TEX2: variants seen among roughly 807,000 people sequenced by gnomAD.
The protein encoded by TEX2 is testis expressed 2, also known as testis-expressed protein 2.
Under a neutral mutation model 106.9 loss-of-function variants are expected in TEX2, and 53 were observed. The ratio of observed to expected loss-of-function variants is 0.50; its 90% CI spans 0.40 to 0.62. The LOEUF is 0.62. Among genes scored for constraint, TEX2 ranks in the 20% least tolerant of loss-of-function variants. The pLI, the probability that TEX2 is intolerant of heterozygous loss-of-function variation, is 0.00. For missense variants in TEX2, 1,207 were observed against 1,379.0 expected (o/e 0.88, Z 1.98); for synonymous variants, 523 against 534.8 (o/e 0.98, Z 0.30).
chr17:64,226,853 T>C (rs528476348), intron 1 of TEX2, among the ~76,000 whole-genome samples: 3 of 152,170 alleles, frequency 2.0e-5, no homozygotes, highest in South Asian at 4.1e-4. Context: ...ATAAAAGTAG[T>C]ATAAAAAATA....
intron 1 of TEX2, among the ~76,000 whole-genome samples, chr17:64,221,131 T>C (rs930433099): frequency 2.8e-4 from 43 of 152,064 alleles, no homozygotes; most frequent in African/African-American, 1.0e-3. Context: ...TGTTCTTACT[T>C]ATAAGTGGGA....
At chr17:64,164,954 T>C (rs532974467) in intron 7 of TEX2, among the ~76,000 whole-genome samples, 1 of 152,350 alleles carries the variant, frequency 6.6e-6, no homozygotes, top group African/African-American at 2.4e-5. Flanking sequence ...TCTGTCTCAC[T>C]GGAGTAGGCT....
In TEX2 at chr17:64,195,691, A is replaced by AC. The variant is rs1262235889; in HGVS notation, c.1645-597dup. The stretch of plus-strand genomic sequence containing the variant: ...TATCAAAATTCAAAGATACATAGTA[A>AC]CTTAAATGGGTAAAATTGTGCTCCA... On this transcript the variant is annotated intron_variant, in intron 2 of 11. Coordinates refer to ENST00000584379, the MANE Select transcript of TEX2 (RefSeq NM_001288732.2). The surrounding 1 kb of genome is among the most constrained non-coding windows in gnomAD (Gnocchi z 4.1). Among the ~76,000 whole-genome samples, 1 of 152,258 alleles carries AC rather than the reference A, an allele frequency of 6.6e-6. No homozygotes were observed. Among genetic ancestry groups the AC allele is most frequent in the African/African-American group, 2.4e-5 (1 of 41,474 alleles).
At chr17:64,161,568 T>C (rs931288409) in intron 7 of TEX2, among the ~76,000 whole-genome samples, 2 of 152,196 alleles carry the variant, frequency 1.3e-5, no homozygotes, top group African/African-American at 4.8e-5. Flanking sequence ...TACAATTGCA[T>C]AATCACTTTG....
At chr17:64,207,003 T>C (rs1183566325) in intron 2 of TEX2, among the ~76,000 whole-genome samples, 1 of 152,228 alleles carries the variant, frequency 6.6e-6, no homozygotes, top group Non-Finnish European at 1.5e-5. Context: ...TTGGTCTTTT[T>C]GGTTTGTCAT....
chr17:64,177,318 G>A lies in TEX2; in HGVS notation c.2571+7C>T, dbSNP rs1394883534. 6.2e-7 allele frequency: 1 copy of A among 1,613,992 alleles called. No individual in the cohort carries two copies. The highest frequency in any genetic ancestry group is 8.5e-7 in the Non-Finnish European group (1 of 1,180,018). ...GGATTAGAAGCCTCTTGTGTGGAAA[G>A]TGATACCTTTATTTTGCTGAGTTTC... On this transcript the variant is annotated splice_region_variant and intron_variant, in intron 6 of 11. Transcript: ENST00000584379.
At chr17:64,231,024 C>T (rs1289725377) in intron 1 of TEX2, among the ~76,000 whole-genome samples, 1 of 152,214 alleles carries the variant, frequency 6.6e-6, no homozygotes, top group African/African-American at 2.4e-5. Context: ...TTGCTCAGCC[C>T]AGCTGTAGAA....
At chr17:64,155,065 G>T in intron 8 of TEX2, 98 bp from the exon 9 acceptor site, 1 of 1,353,598 alleles carries the variant, frequency 7.4e-7, no homozygotes, top group Non-Finnish European at 9.6e-7. Context: ...AACCACAACA[G>T]GGTCGGGATG....
chr17:64,177,848 G>A (rs769699939), intron 5 of TEX2, among the ~76,000 whole-genome samples: 1 of 152,212 alleles, frequency 6.6e-6, no homozygotes, highest in Non-Finnish European at 1.5e-5. Flanking sequence ...AGGCTTGGAC[G>A]TGTAATTGTC....
chr17:64,154,702 G>T, intron 9 of TEX2, 140 bp downstream of exon 9: 2 of 1,091,572 alleles, frequency 1.8e-6, no homozygotes, highest in Non-Finnish European at 2.5e-6. Context: ...CCACTGACCT[G>T]GGATATTAAT....
chr17:64,258,871 T>C (rs1269601192), intron 1 of TEX2, among the ~76,000 whole-genome samples: 1 of 151,948 alleles, frequency 6.6e-6, no homozygotes, highest in South Asian at 2.1e-4. Flanking sequence ...GCGATTCTCC[T>C]GATTCAGTCC....
intron 5 of TEX2, among the ~76,000 whole-genome samples, chr17:64,183,957 C>T (rs2031978908): frequency 6.6e-6 from 1 of 152,078 alleles, no homozygotes; most frequent in Non-Finnish European, 1.5e-5. Context: ...TTCATTGTGG[C>T]CATCTGGGTG....
At chr17:64,179,013 G>A (rs982212196) in intron 5 of TEX2, among the ~76,000 whole-genome samples, 1 of 152,216 alleles carries the variant, frequency 6.6e-6, no homozygotes, top group Admixed American at 6.5e-5. Flanking sequence ...GAAGCTTGGT[G>A]TTCACCAGTC....
At chr17:64,188,110 T>G in intron 5 of TEX2, 58 bp downstream of exon 5, 1 of 1,569,288 alleles carries the variant, frequency 6.4e-7, no homozygotes, top group Non-Finnish European at 8.6e-7. Flanking sequence ...CACTTACGCA[T>G]GAAGAAATGT....
chr17:64,198,030 A>T (rs1423658377), intron 2 of TEX2, among the ~76,000 whole-genome samples: 3 of 152,020 alleles, frequency 2.0e-5, no homozygotes, highest in African/African-American at 2.4e-5. Context: ...TTAATTTCCA[A>T]ATATTTGAGA....
At chr17:64,197,264 C>CA (rs782293801) in intron 2 of TEX2, among the ~76,000 whole-genome samples, 61 of 152,040 alleles carry the variant, frequency 4.0e-4, no homozygotes, top group Non-Finnish European at 7.8e-4. Context: ...TTTTTCCTTG[C>CA]AGAAAGGTCC....
chr17:64,211,639 A>G (rs1405930845), intron 2 of TEX2, among the ~76,000 whole-genome samples: 3 of 152,240 alleles, frequency 2.0e-5, no homozygotes, highest in African/African-American at 7.2e-5. Context: ...CATAGGTTAT[A>G]TATTAATACA....
chr17:64,250,072 C>T (rs2034061750), intron 1 of TEX2, among the ~76,000 whole-genome samples: 1 of 152,182 alleles, frequency 6.6e-6, no homozygotes. Context: ...GGCAAAGAGG[C>T]TCAATTCCTG....
chr17:64,259,563 G>C (rs1182326182), intron 1 of TEX2, among the ~76,000 whole-genome samples: 2 of 152,180 alleles, frequency 1.3e-5, no homozygotes, highest in African/African-American at 4.8e-5. Flanking sequence ...TTCTCACAGG[G>C]ACAAGAGTCA....
Sources: gnomAD v4.1 joint callset for allele counts (sites outside exome capture counted in the v4.1 genomes callset) on GRCh38, gnomAD v4.1.1 for gene constraint, Gnocchi (gnomAD v3.1) non-coding constraint, MANE v1.5 for transcripts, NCBI Gene and HGNC (gene_info 2026-07-23, HGNC 2026-07-21) for gene names.